Variants in CDON observed in about 807,000 individuals in gnomAD.
CDON encodes the protein cell adhesion molecule-related/down-regulated by oncogenes.
In CDON, 73 loss-of-function variants were observed where a neutral mutation model predicts 120.9. The ratio of observed to expected loss-of-function variants is 0.60; its 90% confidence interval spans 0.50 to 0.73. The LOEUF (loss-of-function observed/expected upper bound fraction) is 0.73. Among genes scored for constraint, CDON ranks in the 30% least tolerant of loss-of-function variants. CDON has a pLI of 0.00. For synonymous variants in CDON, 566 were observed against 573.5 expected (o/e 0.99, Z 0.19); for missense variants, 1,470 against 1,587.3 (o/e 0.93, Z 1.26).
At chr11:126,032,672 T>A (rs1947974411) in intron 1 of CDON, among the ~76,000 whole-genome samples, 1 of 152,150 alleles carries the variant, frequency 6.6e-6, no homozygotes, top group South Asian at 2.1e-4. Context: ...GGGATAAATT[T>A]GAAAGGTTTT....
chr11:126,002,387 A>C (rs1032787306), intron 10 of CDON, among the ~76,000 whole-genome samples: 2 of 152,190 alleles, frequency 1.3e-5, no homozygotes, highest in African/African-American at 4.8e-5. Flanking sequence ...TTAAGATAGA[A>C]AGTACTCGTT....
chr11:126,052,735 A>T (rs10893466), intron 1 of CDON, among the ~76,000 whole-genome samples: 31,258 of 151,434 alleles, frequency 0.21, 3,523 homozygotes, highest in Admixed American at 0.28. Context: ...AGGCAGGAGA[A>T]TTGCTTGAAC....
intron 15 of CDON, among the ~76,000 whole-genome samples, chr11:125,986,945 C>A (rs1946485366): frequency 6.6e-6 from 1 of 152,052 alleles, no homozygotes; most frequent in Admixed American, 6.5e-5. Context: ...GGCAGAGATG[C>A]TAAAGGAAAT....
chr11:126,017,265 G>A lies in CDON; in HGVS notation c.751C>T (p.Pro251Ser), dbSNP rs2134670309. 1 of 1,614,068 alleles carries A rather than the reference G, an allele frequency of 6.2e-7. No homozygotes were observed. Among genetic ancestry groups the A allele is most frequent in the Non-Finnish European group, 8.5e-7 (1 of 1,180,012 alleles). The change falls in exon 6 of 20, where the codon CCT (proline) becomes TCT (serine). Residue 251 changes from proline (P) to serine (S), a missense_variant. Transcript: ENST00000531738. The part of the protein sequence containing the change: ...LECVVSGVPA[P>S]QVYWLKDGQD... ...CCGTCCTTTAGCCAATACACTTGAG[G>A]AGCCGGGACCCCACTCACCACACAC...
chr11:126,021,152 A>T, intron 3 of CDON, 96 bp downstream of exon 3: 1 of 1,326,476 alleles, frequency 7.5e-7, no homozygotes, highest in Non-Finnish European at 1.1e-6. Context: ...TATATGCTTT[A>T]CACCAAAGCC....
chr11:126,040,746 C>T (rs1215388569), intron 1 of CDON, among the ~76,000 whole-genome samples: 2 of 125,148 alleles, frequency 1.6e-5, no homozygotes, highest in Non-Finnish European at 3.2e-5. Flanking sequence ...ACCCGGGAGG[C>T]GGAGCTGGCA....
chr11:125,989,576 G>A, intron 15 of CDON, 61 bp downstream of exon 15: 1 of 1,511,686 alleles, frequency 6.6e-7, no homozygotes, highest in Non-Finnish European at 9.2e-7. Context: ...TCAGTAGTCA[G>A]AAGCAGTAAT....
intron 11 of CDON, among the ~76,000 whole-genome samples, chr11:125,999,581 A>G (rs1946882368): frequency 1.3e-5 from 2 of 152,188 alleles, no homozygotes; most frequent in Non-Finnish European, 2.9e-5. Flanking sequence ...ATCATTTCCA[A>G]AACTGAATCC....
chr11:125,957,452 A>G lies in CDON; in HGVS notation c.*3490T>C, dbSNP rs11220285. On this transcript the variant is annotated 3_prime_UTR_variant, in exon 20 of 20. Transcript: ENST00000531738. ...TTCCCACCTTCAGGGGCTATGCTAT[A>G]TGAAAGCAGCCTTCTCTTTTAATAT... is the stretch of plus-strand genomic sequence containing the variant. The G allele has an allele frequency of 0.21, 31,377 of 152,206 alleles. 3,463 individuals carry two copies. The highest frequency in any genetic ancestry group is 0.42 in the East Asian group (2,184 of 5,182). 9.4% of individuals were successfully genotyped at this position (152,206 alleles called of 1,614,324 possible).
chr11:126,003,865 C>T (rs752219372), intron 10 of CDON, 37 bp downstream of exon 10: 62 of 1,579,202 alleles, frequency 3.9e-5, no homozygotes, highest in Non-Finnish European at 5.3e-5. Flanking sequence ...GACATCAGGG[C>T]AGCCAGCTCA....
At chr11:125,964,348 C>T (rs919373713) in intron 18 of CDON, among the ~76,000 whole-genome samples, 1 of 152,184 alleles carries the variant, frequency 6.6e-6, no homozygotes, top group African/African-American at 2.4e-5. Context: ...GTGGTAGGCA[C>T]TGAAAGAGTG....
chr11:125,967,190 G>A (rs1213224310), intron 18 of CDON, among the ~76,000 whole-genome samples: 2 of 152,156 alleles, frequency 1.3e-5, no homozygotes, highest in Non-Finnish European at 2.9e-5. Flanking sequence ...ACACTGGAGG[G>A]GGAAATGGAG....
At chr11:125,971,046 T>C (rs866796127) in intron 18 of CDON, among the ~76,000 whole-genome samples, 1 of 152,074 alleles carries the variant, frequency 6.6e-6, no homozygotes, top group African/African-American at 2.4e-5. Context: ...TTTTAATACT[T>C]AGCAAACCAA....
rs61446837 is a variant in CDON at position 125,981,970 on chromosome 11, C to CTTTTTTTTTTTTTTT, written c.2996-656_2996-642dup. On this transcript the variant is annotated intron_variant, in intron 16 of 19. Coordinates refer to ENST00000531738, the MANE Select transcript of CDON (RefSeq NM_001378964.1). ...CAAAGGCAAAAAGTGATTCTATTTTCTTTTTTTTTTTTTTTTTTTTTTTTT... is the reference window on the plus strand; with the variant it reads ...CAAAGGCAAAAAGTGATTCTATTTTCTTTTTTTTTTTTTTTTTTTTTTTTTTTTTTTTTTTTTTTT... 4.4e-3 allele frequency among the ~76,000 whole-genome samples: 241 copies of CTTTTTTTTTTTTTTT among 54,276 alleles called. 51 individuals are homozygous for CTTTTTTTTTTTTTTT. Among genetic ancestry groups the CTTTTTTTTTTTTTTT allele is most frequent in the African/African-American group, 0.017 (213 of 12,418 alleles). The allele number at this position is 54,276 out of a possible 152,430, so 35.6% of individuals were successfully genotyped here. A position where few individuals can be genotyped will look rare whatever the true frequency, so the allele number is the denominator to read the frequency against.
chr11:126,033,773 G>A (rs543916839), intron 1 of CDON, among the ~76,000 whole-genome samples: 2 of 152,146 alleles, frequency 1.3e-5, no homozygotes, highest in East Asian at 3.9e-4. Flanking sequence ...TCTACAGGAG[G>A]AAAGGAGAGG....
chr11:126,007,641 G>A (rs982875785), intron 8 of CDON, among the ~76,000 whole-genome samples: 1 of 152,098 alleles, frequency 6.6e-6, no homozygotes, highest in Non-Finnish European at 1.5e-5. Flanking sequence ...AATGCCACAT[G>A]CCTCATACAG....
chr11:126,019,540 A>G, intron 4 of CDON, 79 bp downstream of exon 4: 2 of 1,487,064 alleles, frequency 1.3e-6, no homozygotes, highest in South Asian at 1.1e-5. Context: ...GTTCGTCCCT[A>G]GCACACAGAG....
At chr11:125,989,359 A>T (rs879846345) in intron 15 of CDON, among the ~76,000 whole-genome samples, 11 of 152,164 alleles carry the variant, frequency 7.2e-5, no homozygotes, top group Non-Finnish European at 1.5e-4. Flanking sequence ...AACATGGTGA[A>T]ACCCCATCTC....
intron 7 of CDON, among the ~76,000 whole-genome samples, chr11:126,012,597 C>T (rs562385502): frequency 6.8e-6 from 1 of 147,606 alleles, no homozygotes; most frequent in Non-Finnish European, 1.5e-5. Context: ...TTAGTAGAGA[C>T]GGGGTTTCAC....
Sources: allele counts gnomAD v4.1 joint callset (sites outside exome capture counted in the v4.1 genomes callset), GRCh38; gene constraint gnomAD v4.1.1; transcripts MANE v1.5; gene names NCBI Gene and HGNC (gene_info 2026-07-23, HGNC 2026-07-21).